Variants in RXFP2 observed in about 807,000 individuals in gnomAD.
The protein encoded by RXFP2 is relaxin family peptide receptor 2.
RXFP2 carries 68 observed loss-of-function variants against 88.6 expected under a neutral mutation model. The observed-to-expected ratio is 0.77, with a 90% CI of 0.63 to 0.94. The LOEUF is 0.94. Ranked by LOEUF, RXFP2 falls within the 40% of genes least tolerant of loss-of-function variation. The probability of loss-of-function intolerance (pLI) is 0.00; values close to 1 mark genes in which losing one functional copy is unlikely to be tolerated. For missense variants in RXFP2, 791 were observed against 893.9 expected, an observed-to-expected ratio of 0.88 and a Z score of 1.47; for synonymous variants, 329 against 306.8, an observed-to-expected ratio of 1.07 and a Z score of -0.76.
At chr13:31,759,442 A>AAAGT (rs1491207795) in intron 2 of RXFP2, among the ~76,000 whole-genome samples, 7 of 151,656 alleles carry the variant, frequency 4.6e-5, no homozygotes, top group African/African-American at 1.5e-4. Flanking sequence ...AGAAAGAAAG[A>AAAGT]AAGATACTGT....
chr13:31,740,832 T>C (rs1228294138), intron 1 of RXFP2, among the ~76,000 whole-genome samples: 1 of 152,116 alleles, frequency 6.6e-6, no homozygotes, highest in African/African-American at 2.4e-5. Context: ...AAACAATATA[T>C]GAACTCACCT....
chr13:31,773,484 A>G (rs185234339), intron 5 of RXFP2, among the ~76,000 whole-genome samples: 5 of 151,998 alleles, frequency 3.3e-5, no homozygotes. Flanking sequence ...AATTGAAGTT[A>G]AATAAGTGTA....
chr13:31,740,372 G>A (rs1020918499), intron 1 of RXFP2, among the ~76,000 whole-genome samples: 12 of 152,042 alleles, frequency 7.9e-5, no homozygotes, highest in East Asian at 3.9e-4. Context: ...AAAAAGATAC[G>A]TTGTCAGCCT....
chr13:31,802,467 G>A lies in RXFP2; in HGVS notation c.*62G>A. On this transcript the variant is annotated 3_prime_UTR_variant, in exon 18 of 18. Transcript: ENST00000298386. ...CTAAAACAGGGGACAGCTTTTGGAA[G>A]ATGACATCTGCAATGCTTTTCATCT... 2.0e-6 allele frequency: 3 copies of A among 1,534,176 alleles called. No individual in the cohort carries two copies. The highest frequency in any genetic ancestry group is 2.7e-6 in the Non-Finnish European group (3 of 1,113,264).
At chr13:31,753,123 G>T (rs181208857) in intron 1 of RXFP2, among the ~76,000 whole-genome samples, 100 of 152,288 alleles carry the variant, frequency 6.6e-4, no homozygotes, top group Admixed American at 2.4e-3. Context: ...AGAACATCTG[G>T]CTGAGAGGAT....
intron 11 of RXFP2, among the ~76,000 whole-genome samples, chr13:31,784,205 G>A (rs998638428): frequency 3.3e-5 from 5 of 151,850 alleles, no homozygotes; most frequent in South Asian, 4.2e-4. Context: ...AACCCTCTTC[G>A]CATCCTACAT....
At chr13:31,769,025 C>T (rs949541899) in intron 5 of RXFP2, among the ~76,000 whole-genome samples, 1 of 152,162 alleles carries the variant, frequency 6.6e-6, no homozygotes, top group African/African-American at 2.4e-5. Flanking sequence ...TAGCAAGACC[C>T]ACATATTCAT....
At chr13:31,783,628 G>GTA (rs1873387634) in intron 11 of RXFP2, among the ~76,000 whole-genome samples, 1 of 152,122 alleles carries the variant, frequency 6.6e-6, no homozygotes, top group African/African-American at 2.4e-5. Context: ...TATGTGCAAG[G>GTA]TACTGCATTA....
At chr13:31,745,606 C>T (rs1041317274) in intron 1 of RXFP2, among the ~76,000 whole-genome samples, 1 of 152,158 alleles carries the variant, frequency 6.6e-6, no homozygotes, top group South Asian at 2.1e-4. Flanking sequence ...TCTGCAGTCC[C>T]GGCTCCCTGC....
chr13:31,802,725 G>A lies in RXFP2; in HGVS notation c.*320G>A, dbSNP rs1874416772. 5.5e-6 allele frequency: 2 copies of A among 366,250 alleles called. No homozygotes were observed. Among genetic ancestry groups the A allele is most frequent in the Non-Finnish European group, 1.0e-5 (2 of 192,964 alleles). The allele number at this position is 366,250 out of a possible 1,614,324, so 22.7% of individuals were successfully genotyped here. A position where few individuals can be genotyped will look rare whatever the true frequency, so the allele number is the denominator to read the frequency against. ...ACAAATGACCACAGGTTGGCACTGT[G>A]TGGTCTTTCACATCGGGTTGCACTG... On this transcript the variant is annotated 3_prime_UTR_variant, in exon 18 of 18. Transcript: ENST00000298386.
At chr13:31,789,629 T>A (rs774685937) in intron 14 of RXFP2, among the ~76,000 whole-genome samples, 1 of 152,250 alleles carries the variant, frequency 6.6e-6, no homozygotes, top group African/African-American at 2.4e-5. Context: ...ATGGAGGTAA[T>A]TAATCTTTAT....
chr13:31,799,799 G>C (rs1201817966), intron 17 of RXFP2, among the ~76,000 whole-genome samples: 3 of 152,144 alleles, frequency 2.0e-5, no homozygotes, highest in Admixed American at 2.0e-4. Flanking sequence ...TCTGGAGGCT[G>C]GAAGTCCAAG....
At chr13:31,752,312 C>T (rs1871707678) in intron 1 of RXFP2, among the ~76,000 whole-genome samples, 1 of 151,990 alleles carries the variant, frequency 6.6e-6, no homozygotes. Context: ...GGATAGGGTC[C>T]TGAGGGACTT....
At chr13:31,778,676 T>C in intron 9 of RXFP2, 93 bp downstream of exon 9, 1 of 937,736 alleles carries the variant, frequency 1.1e-6, no homozygotes, top group Non-Finnish European at 1.8e-6. Context: ...AGTCCATCTA[T>C]AATTTCTTTC....
chr13:31,772,879 T>C (rs1872784081), intron 5 of RXFP2, among the ~76,000 whole-genome samples: 1 of 152,246 alleles, frequency 6.6e-6, no homozygotes, highest in Admixed American at 6.5e-5. Context: ...TGCAACTGCA[T>C]TCATCTCTTC....
chr13:31,760,068 T>C (rs9549005), intron 2 of RXFP2, among the ~76,000 whole-genome samples: 10,921 of 147,618 alleles, frequency 0.074, 411 homozygotes, highest in Middle Eastern at 0.13. Context: ...CTTTTCAGTG[T>C]TGTTGTTGTT....
chr13:31,741,384 T>C (rs2138376263), intron 1 of RXFP2, among the ~76,000 whole-genome samples: 1 of 152,246 alleles, frequency 6.6e-6, no homozygotes, highest in Non-Finnish European at 1.5e-5. Flanking sequence ...CATTAATCAA[T>C]GCTTTGACAT....
chr13:31,758,206 G>C, intron 1 of RXFP2, 52 bp from the exon 2 acceptor site: 1 of 1,602,980 alleles, frequency 6.2e-7, no homozygotes, highest in South Asian at 1.1e-5. Flanking sequence ...GGGACAACAC[G>C]GAGAGAGCTT....
intron 17 of RXFP2, among the ~76,000 whole-genome samples, chr13:31,799,913 C>T (rs1272460912): frequency 6.6e-6 from 1 of 152,160 alleles, no homozygotes; most frequent in East Asian, 1.9e-4. Context: ...TCATCATCCT[C>T]AGCGAGTCTA....
Sources: gnomAD v4.1 joint callset for allele counts (sites outside exome capture counted in the v4.1 genomes callset) on GRCh38, gnomAD v4.1.1 for gene constraint, MANE v1.5 for transcripts, NCBI Gene and HGNC (gene_info 2026-07-23, HGNC 2026-07-21) for gene names.